The following SLC24A2 variants were observed in gnomAD, a reference collection of about 807,000 sequenced individuals.
The protein encoded by SLC24A2 is solute carrier family 24 member 2.
SLC24A2 carries 36 observed loss-of-function variants against 62.0 expected under a neutral mutation model. The observed-to-expected ratio is 0.58, with a 90% confidence interval of 0.44 to 0.77. The LOEUF (loss-of-function observed/expected upper bound fraction) is 0.77, where lower values mean the gene tolerates loss of function less well. Ranked by LOEUF, SLC24A2 falls within the 30% of genes least tolerant of loss-of-function variation. The probability of loss-of-function intolerance (pLI) is 0.00; values close to 1 mark genes in which losing one functional copy is unlikely to be tolerated. For missense variants in SLC24A2, 846 were observed against 817.9 expected, an observed-to-expected ratio of 1.03 and a Z score of -0.42; for synonymous variants, 358 against 294.0, an observed-to-expected ratio of 1.22 and a Z score of -2.23.
At chr9:20,153,620 G>A in the SLC24A2 span, among the ~76,000 whole-genome samples, 1 of 151,772 alleles carries the variant, frequency 6.6e-6, no homozygotes, top group African/African-American at 2.4e-5. Context: ...ATTGTTCTAT[G>A]ATTACTATGG....
intron 2 of SLC24A2, among the ~76,000 whole-genome samples, chr9:19,755,683 T>C (rs1447842428): frequency 6.6e-6 from 1 of 152,124 alleles, no homozygotes; most frequent in East Asian, 1.9e-4. Flanking sequence ...TCAAGCTATT[T>C]TAGCAAAGCA....
the SLC24A2 span, among the ~76,000 whole-genome samples, chr9:19,883,789 T>A: frequency 2.0e-5 from 3 of 152,104 alleles, no homozygotes; most frequent in Non-Finnish European, 2.9e-5. Context: ...ATGGTCTTGA[T>A]CTCCTGACCT....
chr9:20,076,856 C>G, the SLC24A2 span, among the ~76,000 whole-genome samples: 1 of 29,948 alleles, frequency 3.3e-5, no homozygotes, highest in Admixed American at 2.2e-4. Flanking sequence ...ATATACATAT[C>G]ATATGTATAT....
the SLC24A2 span, among the ~76,000 whole-genome samples, chr9:20,276,492 G>A: frequency 6.6e-6 from 1 of 152,192 alleles, no homozygotes; most frequent in Non-Finnish European, 1.5e-5. Flanking sequence ...GCTTTCATGG[G>A]CTGGCATTGA....
intron 2 of SLC24A2, among the ~76,000 whole-genome samples, chr9:19,713,112 C>A (rs950946570): frequency 6.6e-6 from 1 of 152,166 alleles, no homozygotes; most frequent in Non-Finnish European, 1.5e-5. Flanking sequence ...CACTAGCTAA[C>A]ATCATATCAG....
At chr9:20,005,008 G>A in the SLC24A2 span, among the ~76,000 whole-genome samples, 2 of 152,114 alleles carry the variant, frequency 1.3e-5, no homozygotes, top group African/African-American at 2.4e-5. Flanking sequence ...TTATCACAAT[G>A]AAATAATTTC....
At chr9:19,610,231 A>G (rs1274982668) in intron 4 of SLC24A2, among the ~76,000 whole-genome samples, 3 of 152,234 alleles carry the variant, frequency 2.0e-5, no homozygotes, top group Non-Finnish European at 4.4e-5. Context: ...AAATTACTAT[A>G]ATTGTAGGAG....
chr9:20,049,987 A>C, the SLC24A2 span, among the ~76,000 whole-genome samples: 1 of 152,138 alleles, frequency 6.6e-6, no homozygotes, highest in Non-Finnish European at 1.5e-5. Context: ...CTAGCAAGAT[A>C]CTAGGACACA....
chr9:19,521,744 G>A (rs2132638946), intron 9 of SLC24A2, among the ~76,000 whole-genome samples: 2 of 152,136 alleles, frequency 1.3e-5, no homozygotes, highest in African/African-American at 4.8e-5. Context: ...CCATAAACTG[G>A]GGATAATAAT....
chr9:19,811,380 T>C, the SLC24A2 span, among the ~76,000 whole-genome samples: 97 of 152,376 alleles, frequency 6.4e-4, no homozygotes, highest in East Asian at 0.016. Context: ...GGAGTATTTA[T>C]TTCAGTTACA....
At chr9:19,618,106 G>A (rs984531595) in intron 4 of SLC24A2, among the ~76,000 whole-genome samples, 1 of 152,224 alleles carries the variant, frequency 6.6e-6, no homozygotes, top group Non-Finnish European at 1.5e-5. Flanking sequence ...TTTGTCAACT[G>A]TAAGGTGCCA....
the SLC24A2 span, among the ~76,000 whole-genome samples, chr9:20,086,188 A>G: frequency 6.6e-6 from 1 of 152,118 alleles, no homozygotes; most frequent in African/African-American, 2.4e-5. Context: ...CTCTCCAGCA[A>G]CACCAAGGAC....
At chr9:20,101,576 T>G in the SLC24A2 span, among the ~76,000 whole-genome samples, 1 of 152,104 alleles carries the variant, frequency 6.6e-6, no homozygotes. Context: ...CCCATACCTC[T>G]TGGAAGACTA....
intron 2 of SLC24A2, among the ~76,000 whole-genome samples, chr9:19,625,364 C>A (rs1267540278): frequency 6.6e-6 from 1 of 152,064 alleles, no homozygotes; most frequent in East Asian, 1.9e-4. Flanking sequence ...TAGAAAAAGT[C>A]TGTTAAGCCA....
At chr9:19,554,750 C>T (rs1834999309) in intron 7 of SLC24A2, among the ~76,000 whole-genome samples, 1 of 152,154 alleles carries the variant, frequency 6.6e-6, no homozygotes, top group Non-Finnish European at 1.5e-5. Context: ...GACATTTTGA[C>T]CACAGCAGAA....
At chr9:20,054,903 T>C in the SLC24A2 span, among the ~76,000 whole-genome samples, 1 of 152,238 alleles carries the variant, frequency 6.6e-6, no homozygotes, top group East Asian at 1.9e-4. Flanking sequence ...AACTTAGTAA[T>C]GATGCTCTCA....
At chr9:19,745,727 A>G (rs1285629640) in intron 2 of SLC24A2, among the ~76,000 whole-genome samples, 1 of 152,122 alleles carries the variant, frequency 6.6e-6, no homozygotes, top group Non-Finnish European at 1.5e-5. Flanking sequence ...AACACTTTTT[A>G]TTAAATGTTT....
At chr9:20,108,501 T>C in the SLC24A2 span, among the ~76,000 whole-genome samples, 1 of 152,208 alleles carries the variant, frequency 6.6e-6, no homozygotes, top group African/African-American at 2.4e-5. Flanking sequence ...ATATACACCA[T>C]GGAATACTAT....
the SLC24A2 span, among the ~76,000 whole-genome samples, chr9:19,912,693 CA>C: frequency 5.9e-5 from 9 of 152,146 alleles, no homozygotes; most frequent in Non-Finnish European, 1.2e-4. Flanking sequence ...GACAAAACAA[CA>C]CTGGAACCTC....
Sources: gnomAD v4.1 joint callset for allele counts (sites outside exome capture counted in the v4.1 genomes callset) on GRCh38, gnomAD v4.1.1 for gene constraint, MANE v1.5 for transcripts, NCBI Gene and HGNC (gene_info 2026-07-23, HGNC 2026-07-21) for gene names.